The following BOP1 variants were observed in gnomAD, a reference collection of about 807,000 sequenced individuals.
BOP1 encodes the protein ribosome biogenesis protein BOP1.
A neutral mutation model predicts 82.9 loss-of-function variants in BOP1; 54 were observed. The ratio of observed to expected loss-of-function variants is 0.65; its 90% confidence interval spans 0.52 to 0.82. BOP1 has a LOEUF of 0.82. BOP1 is among the 40% of genes least tolerant of loss of function. BOP1 has a pLI of 0.00. For missense variants in BOP1, 1,170 were observed against 1,072.0 expected, an observed-to-expected ratio of 1.09 and a Z score of -1.28; for synonymous variants, 566 against 451.1, an observed-to-expected ratio of 1.25 and a Z score of -3.23.
intron 3 of BOP1, among the ~76,000 whole-genome samples, chr8:144,275,010 GTCTCTGT>G (rs1845547115): frequency 6.6e-6 from 1 of 152,084 alleles, no homozygotes; most frequent in Non-Finnish European, 1.5e-5. Flanking sequence ...ATTTTGTTTT[GTCTCTGT>G]TCTCTGAACG....
chr8:144,275,830 G>A (rs1418500301), intron 3 of BOP1, among the ~76,000 whole-genome samples: 2 of 152,006 alleles, frequency 1.3e-5, no homozygotes, highest in African/African-American at 4.8e-5. Context: ...ACACGACAGG[G>A]GCACCACCCA....
intron 3 of BOP1, among the ~76,000 whole-genome samples, chr8:144,269,587 T>C (rs1233117813): frequency 2.0e-5 from 3 of 152,092 alleles, no homozygotes; most frequent in Non-Finnish European, 4.4e-5. Flanking sequence ...CTGATAGAAA[T>C]ATAACAGGAT....
Position 144,264,593 on chromosome 8 carries a change from C to A in BOP1, c.687G>T (p.Gly229=). Reference sequence around the variant, plus strand: ...TGGTCACCGGGTGGATCATGACGTCCCCGCTGAAGAAGTCGACAGCCGGCT... The same window carrying A: ...TGGTCACCGGGTGGATCATGACGTCACCGCTGAAGAAGTCGACAGCCGGCT... ...PYEPAVDFFS[G]DVMIHPVTNR... The change falls in exon 6 of 16, where the codon GGG becomes GGT. Residue 229 remains glycine (G), a synonymous_variant. Transcript: ENST00000569669. 6.2e-7 allele frequency: 1 copy of A among 1,605,930 alleles called. No individual in the cohort carries two copies. Among genetic ancestry groups the A allele is most frequent in the Non-Finnish European group, 8.5e-7 (1 of 1,176,684 alleles).
chr8:144,267,805 C>T (rs1187067175), intron 3 of BOP1, among the ~76,000 whole-genome samples: 6 of 152,228 alleles, frequency 3.9e-5, no homozygotes, highest in African/African-American at 1.4e-4. Context: ...TGCTTGGTGG[C>T]ACCGGAAAAG....
At chr8:144,285,137 G>A (rs1371259821) in intron 2 of BOP1, among the ~76,000 whole-genome samples, 8 of 152,224 alleles carry the variant, frequency 5.3e-5, no homozygotes, top group South Asian at 2.1e-4. Flanking sequence ...AACAAAAGCC[G>A]CAGCTCCCTC....
At chr8:144,272,986 CG>C (rs1845515210) in intron 3 of BOP1, among the ~76,000 whole-genome samples, 1 of 152,194 alleles carries the variant, frequency 6.6e-6, no homozygotes, top group African/African-American at 2.4e-5. Context: ...GCAGCCCCCT[CG>C]GAGGCAGGCA....
chr8:144,264,753 C>A lies in BOP1; in HGVS notation c.624G>T (p.Gln208His). 1 of 1,594,676 alleles carries A rather than the reference C, an allele frequency of 6.3e-7. No individual in the cohort carries two copies. The highest frequency in any genetic ancestry group is 8.5e-7 in the Non-Finnish European group (1 of 1,171,878). ...DEQVALVRRLQSGQFGDVGFN... is the reference protein window; with the variant it reads ...DEQVALVRRLHSGQFGDVGFN... ...AGCCCACATCCCCAAACTGGCCACTCTGCAGCCGCCGCACCAGGGCCACCT... is the reference window on the plus strand; with the variant it reads ...AGCCCACATCCCCAAACTGGCCACTATGCAGCCGCCGCACCAGGGCCACCT... Residue 208 changes from glutamine (Q) to histidine (H), a missense_variant, in exon 5 of 16, where the codon CAG becomes CAT. Transcript: ENST00000569669.
intron 3 of BOP1, among the ~76,000 whole-genome samples, chr8:144,273,087 G>A (rs1000294916): frequency 5.3e-5 from 8 of 152,238 alleles, no homozygotes; most frequent in Admixed American, 2.0e-4. Flanking sequence ...GGGGAGGGCC[G>A]TTCGCTCGCC....
chr8:144,266,096 GAC>G (rs1845355865), intron 3 of BOP1: 1 of 152,472 alleles, frequency 6.6e-6, no homozygotes, highest in Non-Finnish European at 1.5e-5. Flanking sequence ...GGGAGGCAAA[GAC>G]AGACAGGGTG....
intron 4 of BOP1, 24 bp from the exon 5 acceptor site, chr8:144,264,855 G>A (rs1278212937): frequency 1.6e-5 from 26 of 1,607,984 alleles, no homozygotes; most frequent in Middle Eastern, 2.1e-4. Flanking sequence ...GTCAGACCCC[G>A]CCAGCCCTGC....
intron 3 of BOP1, among the ~76,000 whole-genome samples, chr8:144,268,674 AGAGCCTCATATCGG>A (rs1409637335): frequency 2.6e-5 from 4 of 152,138 alleles, no homozygotes; most frequent in African/African-American, 9.7e-5. Flanking sequence ...GCTCACCCAC[AGAGCCTCATATCGG>A]GAAGCTGTGG....
intron 2 of BOP1, among the ~76,000 whole-genome samples, chr8:144,287,379 C>A (rs1371720696): frequency 1.3e-5 from 2 of 152,100 alleles, no homozygotes; most frequent in Admixed American, 6.5e-5. Flanking sequence ...GACAGAAGAC[C>A]CAGAAAGATG....
At chr8:144,285,271 G>A (rs1403345643) in intron 2 of BOP1, among the ~76,000 whole-genome samples, 2 of 152,196 alleles carry the variant, frequency 1.3e-5, no homozygotes, top group Non-Finnish European at 1.5e-5. Context: ...TGAGGTGTCC[G>A]TGACATGACA....
At position 144,262,406 on chromosome 8, in the gene BOP1, T is replaced by C. The variant is rs1469917957; in HGVS notation, c.2077A>G (p.Met693Val). ...AGGGTCAGCACTCACTTGTACACCA[T>C]GCCATGGCAGACGATGACACTGCCG... ...DDGSVIVCHGMVYNDLLQNPL... is the reference protein window; with the variant it reads ...DDGSVIVCHGVVYNDLLQNPL... The change falls in exon 15 of 16, where the codon ATG (methionine) becomes GTG (valine). Residue 693 changes from methionine to valine, a missense_variant. By Grantham distance (21) the Met-to-Val change is conservative (BLOSUM62 1). Transcript: ENST00000569669. 5.2e-5 allele frequency: 84 copies of C among 1,612,548 alleles called. No individual in the cohort carries two copies. Among genetic ancestry groups the C allele is most frequent in the Non-Finnish European group, 6.1e-5 (72 of 1,179,786 alleles).
Position 144,262,677 on chromosome 8 carries a change from G to GGCCAAAGGCT in BOP1, c.1895-15_1895-6dup. Reference sequence around the variant, plus strand: ...TCCCACAGATGACGTTGTCACCTAGGGCCAAAGGCTGTGATGCAGGTGTTC... The same window carrying GGCCAAAGGCT: ...TCCCACAGATGACGTTGTCACCTAGGGCCAAAGGCTGCCAAAGGCTGTGATGCAGGTGTTC... On this transcript the variant is annotated splice_polypyrimidine_tract_variant and splice_region_variant and intron_variant, in intron 13 of 15. Coordinates refer to ENST00000569669, the MANE Select transcript of BOP1 (RefSeq NM_015201.5). The GGCCAAAGGCT allele has an allele frequency of 6.2e-7, 1 of 1,613,054 alleles. No individual in the cohort carries two copies. Among genetic ancestry groups the GGCCAAAGGCT allele is most frequent in the Non-Finnish European group, 8.5e-7 (1 of 1,179,784 alleles).
intron 3 of BOP1, chr8:144,266,695 C>CGCGGCA (rs1845376137): frequency 1.2e-5 from 15 of 1,232,464 alleles, no homozygotes; most frequent in Non-Finnish European, 1.5e-5. Flanking sequence ...GGACGAGGAC[C>CGCGGCA]GCGGCAGCGA....
intron 2 of BOP1, among the ~76,000 whole-genome samples, chr8:144,280,986 C>CCTTCTCTCACTTTCATACCAGGTCTTT (rs1845662443): frequency 1.5e-5 from 2 of 135,456 alleles, no homozygotes; most frequent in East Asian, 4.5e-4. Flanking sequence ...ACCAGGTCTT[C>CCTTCTCTCACTTTCATACCAGGTCTTT]GGCCTTCTCT....
At position 144,291,327 on chromosome 8, in the gene BOP1, A is replaced by C. The variant is rs782340581; in HGVS notation, c.44T>G (p.Val15Gly). ...RGAGRTAAPS[V>G]RPEKRRSEPE... Reference sequence around the variant, plus strand: ...CTCAGACCGCCGCTTCTCCGGCCGCACGCTCGGCGCCGCCGTGCGCCCCGC... The same window carrying C: ...CTCAGACCGCCGCTTCTCCGGCCGCCCGCTCGGCGCCGCCGTGCGCCCCGC... Residue 15 changes from valine to glycine, a missense_variant, in exon 1 of 16, where the codon GTG (valine) becomes GGG (glycine). Physicochemically the swap from Val to Gly is moderately radical, Grantham distance 109. Coordinates refer to ENST00000569669, the MANE Select transcript of BOP1 (RefSeq NM_015201.5). This position sits in a 1 kb window ranked among gnomAD's most constrained non-coding sequence, Gnocchi z 4.1. The C allele has an allele frequency of 7.0e-7, 1 of 1,429,266 alleles. No homozygotes were observed. Among genetic ancestry groups the C allele is most frequent in the South Asian group, 1.3e-5 (1 of 74,322 alleles). The allele number at this position is 1,429,266 out of a possible 1,614,324, so 88.5% of individuals were successfully genotyped here.
At position 144,291,169 on chromosome 8, in the gene BOP1, G is replaced by T; in HGVS notation, c.99+103C>A. On this transcript the variant is annotated intron_variant, in intron 1 of 15. Coordinates refer to ENST00000569669, the MANE Select transcript of BOP1 (RefSeq NM_015201.5). The surrounding 1 kb of genome is among the most constrained non-coding windows in gnomAD (Gnocchi z 4.1). ...CGCCCAAGACCGATTCACTGGGCGC[G>T]GGCGCCCAGGTGACAGAAGCCGGGC... is the stretch of plus-strand genomic sequence containing the variant. The T allele has an allele frequency of 1.0e-6, 1 of 999,174 alleles. No homozygotes were observed. Among genetic ancestry groups the T allele is most frequent in the Non-Finnish European group, 1.3e-6 (1 of 765,124 alleles). 61.9% of individuals were successfully genotyped at this position (999,174 alleles called of 1,614,324 possible). A position where few individuals can be genotyped will look rare whatever the true frequency, so the allele number is the denominator to read the frequency against.
Sources: allele counts gnomAD v4.1 joint callset (sites outside exome capture counted in the v4.1 genomes callset), GRCh38; gene constraint gnomAD v4.1.1; non-coding constraint Gnocchi (gnomAD v3.1); transcripts MANE v1.5; gene names NCBI Gene and HGNC (gene_info 2026-07-23, HGNC 2026-07-21).